The following DNAAF10 variants were observed in gnomAD, a reference collection of about 807,000 sequenced individuals.
DNAAF10 encodes WD repeat domain 92.
In DNAAF10, 28 loss-of-function variants were observed where a neutral mutation model predicts 43.7. The observed-to-expected ratio is 0.64, with a 90% CI of 0.48 to 0.88. DNAAF10 has a LOEUF of 0.88. DNAAF10 is among the 40% of genes least tolerant of loss of function. DNAAF10 has a pLI of 0.00. For synonymous variants in DNAAF10, 156 were observed against 157.3 expected, an observed-to-expected ratio of 0.99 and a Z score of 0.06; for missense variants, 403 against 439.1, an observed-to-expected ratio of 0.92 and a Z score of 0.73.
chr2:68,149,387 G>T (rs1673401099), intron 1 of DNAAF10, among the ~76,000 whole-genome samples: 1 of 152,176 alleles, frequency 6.6e-6, no homozygotes, highest in Admixed American at 6.5e-5. Context: ...GCCACGTACA[G>T]TAACATGTTT....
Position 68,157,409 on chromosome 2 carries a change from T to G in DNAAF10, c.35A>C (p.His12Pro). The G allele has an allele frequency of 1.2e-6, 2 of 1,614,156 alleles. No individual in the cohort carries two copies. The highest frequency in any genetic ancestry group is 1.7e-6 in the Non-Finnish European group (2 of 1,180,026). ...SAFEKPQIIA[H>P]IQKGFNYTVF... ...CGTGTAGTTGAAGCCCTTCTGGATA[T>G]GGGCGATGATCTGAGGCTTCTCGAA... Residue 12 changes from histidine (H) to proline (P), a missense_variant, in exon 1 of 8, where the codon CAT (histidine) becomes CCT (proline). Physicochemically the swap from His to Pro is moderately conservative, Grantham distance 77. Coordinates refer to ENST00000295121, the MANE Select transcript of DNAAF10 (RefSeq NM_138458.4).
Position 68,131,355 on chromosome 2 carries a change from C to T in DNAAF10, c.957G>A (p.Leu319=). ...CCAAACTTGAAATGGGCTGGGTGGACAACGTAACATTCTGCAGAAGGCTTA... is the reference window on the plus strand; with the variant it reads ...CCAAACTTGAAATGGGCTGGGTGGATAACGTAACATTCTGCAGAAGGCTTA... ...GSVSLLQNVT[L]STQPISSLDW... The change falls in exon 8 of 8, where the codon TTG becomes TTA. Residue 319 remains leucine (L), a synonymous_variant. Transcript: ENST00000295121. 1.2e-6 allele frequency: 2 copies of T among 1,614,112 alleles called. No individual in the cohort carries two copies. The highest frequency in any genetic ancestry group is 1.7e-6 in the Non-Finnish European group (2 of 1,180,026).
chr2:68,150,561 C>T (rs994479289), intron 1 of DNAAF10, among the ~76,000 whole-genome samples: 18 of 151,798 alleles, frequency 1.2e-4, no homozygotes, highest in Non-Finnish European at 2.5e-4. Context: ...GGTGAAACCC[C>T]CTCTCTACTA....
At position 68,157,244 on chromosome 2, in the gene DNAAF10, C is replaced by T. The variant is rs1210509548; in HGVS notation, c.183+17G>A. On this transcript the variant is annotated intron_variant, in intron 1 of 7. Transcript: ENST00000295121. ...CTCGCCCCCAACGGCAGTCCGGATC[C>T]TCGACCCGGCACCCACCTCCCGAAG... 6.2e-6 allele frequency: 10 copies of T among 1,605,090 alleles called. No individual in the cohort carries two copies. The African/African-American group carries it at 8.0e-5, about 13-fold the overall frequency.
intron 1 of DNAAF10, among the ~76,000 whole-genome samples, chr2:68,153,821 G>A (rs189740387): frequency 8.8e-4 from 127 of 143,656 alleles, no homozygotes; most frequent in African/African-American, 2.9e-3. Context: ...GCGCGATCTC[G>A]GCTCACTGCA....
At chr2:68,153,344 T>C (rs202239653) in intron 1 of DNAAF10, among the ~76,000 whole-genome samples, 1 of 115,904 alleles carries the variant, frequency 8.6e-6, no homozygotes, top group East Asian at 2.4e-4. Context: ...CAGTGATAAA[T>C]TAAAAAAAAA....
chr2:68,150,319 T>A (rs1673422734), intron 1 of DNAAF10, among the ~76,000 whole-genome samples: 1 of 152,238 alleles, frequency 6.6e-6, no homozygotes, highest in African/African-American at 2.4e-5. Flanking sequence ...CATAATACAT[T>A]AATCAGAAAA....
At chr2:68,135,728 C>T (rs192602622) in intron 6 of DNAAF10, among the ~76,000 whole-genome samples, 176 of 152,332 alleles carry the variant, frequency 1.2e-3, no homozygotes, top group African/African-American at 4.1e-3. Flanking sequence ...TCAAAACACA[C>T]ATTTTGAGTG....
Position 68,131,300 on chromosome 2 carries a change from C to T in DNAAF10, c.1012G>A (p.Val338Ile), listed in dbSNP as rs200662857. Residue 338 changes from valine to isoleucine, a missense_variant, in exon 8 of 8, where the codon GTC (valine) becomes ATC (isoleucine). Val to Ile is a conservative substitution (Grantham distance 29). Coordinates refer to ENST00000295121, the MANE Select transcript of DNAAF10 (RefSeq NM_138458.4). Reference sequence around the variant, plus strand: ...ACCGTTTGGTCAAATGAACTACAGACGCAGAGACCCCTTTTATCTGGACTC... The same window carrying T: ...ACCGTTTGGTCAAATGAACTACAGATGCAGAGACCCCTTTTATCTGGACTC... The part of the protein sequence containing the change: ...DWSPDKRGLC[V>I]CSSFDQTVRV... 1.6e-5 allele frequency: 26 copies of T among 1,613,976 alleles called. No homozygotes were observed. The highest frequency in any genetic ancestry group is 4.4e-5 in the South Asian group (4 of 91,088).
chr2:68,135,064 T>A (rs1166129867), intron 6 of DNAAF10, among the ~76,000 whole-genome samples: 2 of 152,190 alleles, frequency 1.3e-5, no homozygotes, highest in Non-Finnish European at 2.9e-5. Flanking sequence ...TCCATTTAAG[T>A]TTATAGTATC....
At chr2:68,140,760 C>G (rs535456113) in intron 4 of DNAAF10, among the ~76,000 whole-genome samples, 2 of 152,322 alleles carry the variant, frequency 1.3e-5, no homozygotes, top group South Asian at 4.1e-4. Flanking sequence ...TACTATTACT[C>G]TCTTCTACCG....
chr2:68,134,457 C>T (rs1672988728), intron 7 of DNAAF10: 2 of 1,270,714 alleles, frequency 1.6e-6, no homozygotes, highest in South Asian at 1.8e-5. Context: ...CTTTTTCATA[C>T]TTAGAAGACA....
At chr2:68,136,848 T>C (rs181979555) in intron 6 of DNAAF10, among the ~76,000 whole-genome samples, 6 of 152,372 alleles carry the variant, frequency 3.9e-5, no homozygotes, top group Non-Finnish European at 8.8e-5. Context: ...ACATTTACTA[T>C]AATCACAGTA....
intron 1 of DNAAF10, among the ~76,000 whole-genome samples, chr2:68,154,414 T>C (rs1466549682): frequency 4.0e-5 from 6 of 151,436 alleles, no homozygotes; most frequent in African/African-American, 1.5e-4. Flanking sequence ...GCCCGGCTGA[T>C]TTTTTGTATT....
At chr2:68,140,256 A>C (rs927880054) in intron 4 of DNAAF10, among the ~76,000 whole-genome samples, 1 of 151,858 alleles carries the variant, frequency 6.6e-6, no homozygotes, top group Non-Finnish European at 1.5e-5. Flanking sequence ...TTTCTCATAA[A>C]CTCCAGCCCT....
chr2:68,151,013 C>T (rs1009312707), intron 1 of DNAAF10, among the ~76,000 whole-genome samples: 13 of 152,196 alleles, frequency 8.5e-5, no homozygotes, highest in Admixed American at 8.5e-4. Flanking sequence ...AGAAACCAAA[C>T]TGACAACCAG....
At chr2:68,143,111 C>T (rs1011361549) in intron 3 of DNAAF10, among the ~76,000 whole-genome samples, 1 of 152,054 alleles carries the variant, frequency 6.6e-6, no homozygotes, top group Admixed American at 6.6e-5. Context: ...GATCTTCCCA[C>T]CTCAGCCTCC....
At chr2:68,148,733 T>C (rs1673384605) in intron 1 of DNAAF10, among the ~76,000 whole-genome samples, 1 of 152,212 alleles carries the variant, frequency 6.6e-6, no homozygotes, top group Non-Finnish European at 1.5e-5. Flanking sequence ...ACTATTCCTC[T>C]TGGTCTCTAA....
intron 1 of DNAAF10, among the ~76,000 whole-genome samples, chr2:68,152,462 AAAT>A (rs1381019963): frequency 1.3e-5 from 2 of 152,204 alleles, no homozygotes; most frequent in Non-Finnish European, 2.9e-5. Context: ...ACATTCATGG[AAAT>A]AATAATAATA....
Sources: allele counts gnomAD v4.1 joint callset (sites outside exome capture counted in the v4.1 genomes callset), GRCh38; gene constraint gnomAD v4.1.1; transcripts MANE v1.5; gene names NCBI Gene and HGNC (gene_info 2026-07-23, HGNC 2026-07-21).